The following EXD3 variants were observed in gnomAD, a reference collection of about 807,000 sequenced individuals.
EXD3 encodes exonuclease mut-7 homolog.
Under a neutral mutation model 98.0 loss-of-function variants are expected in EXD3, and 92 were observed. That is an observed-to-expected ratio of 0.94 (90% CI 0.79 to 1.12). The LOEUF is 1.12. Among genes scored for constraint, EXD3 ranks in the 50% most tolerant of loss-of-function variants. The pLI, the probability that EXD3 is intolerant of heterozygous loss-of-function variation, is 0.00. For missense variants in EXD3, 1,222 were observed against 1,191.6 expected (o/e 1.03, Z -0.38); for synonymous variants, 569 against 526.0 (o/e 1.08, Z -1.12).
At chr9:137,312,821 G>C (rs764043980) in intron 19 of EXD3, among the ~76,000 whole-genome samples, 9 of 152,100 alleles carry the variant, frequency 5.9e-5, no homozygotes, top group Non-Finnish European at 1.2e-4. Context: ...CCACCACCAA[G>C]GGAGCGACCA....
chr9:137,409,178 C>T (rs1837877535), intron 1 of EXD3, among the ~76,000 whole-genome samples: 1 of 152,240 alleles, frequency 6.6e-6, no homozygotes, highest in East Asian at 1.9e-4. Flanking sequence ...GAACTGGTGG[C>T]TTTATAAGAG....
At chr9:137,309,400 G>A (rs1321435948) in intron 20 of EXD3, among the ~76,000 whole-genome samples, 1 of 152,196 alleles carries the variant, frequency 6.6e-6, no homozygotes, top group Non-Finnish European at 1.5e-5. Flanking sequence ...ACAGAAGGGA[G>A]CAGAGGCCAT....
intron 5 of EXD3, among the ~76,000 whole-genome samples, chr9:137,369,062 G>T: frequency 6.9e-6 from 1 of 144,558 alleles, no homozygotes; most frequent in South Asian, 2.2e-4. Flanking sequence ...CGCAGGACCC[G>T]GGGAGGGGGT....
At chr9:137,326,584 C>T (rs149732971) in intron 17 of EXD3, among the ~76,000 whole-genome samples, 25 of 152,152 alleles carry the variant, frequency 1.6e-4, no homozygotes, top group Admixed American at 2.6e-4. Flanking sequence ...AAGATATACG[C>T]GTGGCCAATA....
intron 3 of EXD3, among the ~76,000 whole-genome samples, chr9:137,379,258 G>A (rs111734116): frequency 6.3e-4 from 64 of 101,104 alleles, no homozygotes; most frequent in South Asian, 1.1e-3. Context: ...GGAATGGGGC[G>A]TCTGTGTGAG....
At chr9:137,331,044 G>A (rs1467688135) in intron 17 of EXD3, among the ~76,000 whole-genome samples, 2 of 152,170 alleles carry the variant, frequency 1.3e-5, no homozygotes, top group Non-Finnish European at 2.9e-5. Flanking sequence ...GCACATTAAA[G>A]CAATAATTCA....
In EXD3 at chr9:137,351,461, G is replaced by A. The variant is rs756335375; in HGVS notation, c.1241C>T (p.Pro414Leu). 3 of 1,600,726 alleles carry A rather than the reference G, an allele frequency of 1.9e-6. No homozygotes were observed. Among genetic ancestry groups the A allele is most frequent in the South Asian group, 2.2e-5 (2 of 89,108 alleles). Residue 414 changes from proline (P) to leucine (L), a missense_variant, in exon 13 of 22, where the codon CCG becomes CTG. Coordinates refer to ENST00000340951, the MANE Select transcript of EXD3 (RefSeq NM_017820.5). The part of the protein sequence containing the change: ...PVFVAGGRPR[P>L]SLLQVAVEGH... ...CTCCACGGCCACCTGCAGGAGTGAC[G>A]GCCGAGGCCGGCCCCCAGCAACAAA...
intron 19 of EXD3, among the ~76,000 whole-genome samples, chr9:137,320,469 C>G (rs1362192932): frequency 2.0e-5 from 3 of 152,204 alleles, no homozygotes; most frequent in Non-Finnish European, 4.4e-5. Flanking sequence ...CCTGCTCTAC[C>G]TGCAGCCCCC....
intron 19 of EXD3, among the ~76,000 whole-genome samples, chr9:137,320,832 A>C (rs1831991732): frequency 6.6e-6 from 1 of 152,188 alleles, no homozygotes; most frequent in East Asian, 1.9e-4. Flanking sequence ...AAGAAAATGC[A>C]GCAGCCGATT....
chr9:137,322,663 G>A (rs558847910), intron 19 of EXD3, among the ~76,000 whole-genome samples: 19 of 120,378 alleles, frequency 1.6e-4, no homozygotes, highest in Middle Eastern at 0.013. Flanking sequence ...CCGGACCCCC[G>A]AGGGATTTTC....
At position 137,356,437 on chromosome 9, in the gene EXD3, A is replaced by G. The variant is rs1457555264; in HGVS notation, c.657-69T>C. ...AATACATTTTAAGATTTTCATTTTCATCATAGTCATATGCATGCATAGTTT... is the reference window on the plus strand; with the variant it reads ...AATACATTTTAAGATTTTCATTTTCGTCATAGTCATATGCATGCATAGTTT... On this transcript the variant is annotated intron_variant, in intron 7 of 21. Transcript: ENST00000340951. The G allele has an allele frequency of 2.8e-6, 3 of 1,074,798 alleles. No homozygotes were observed. In the African/African-American group the frequency reaches 4.7e-5, roughly 17 times the overall value. The allele number at this position is 1,074,798 out of a possible 1,614,324, so 66.6% of individuals were successfully genotyped here. A position where few individuals can be genotyped will look rare whatever the true frequency, so the allele number is the denominator to read the frequency against.
At chr9:137,388,686 G>A (rs1037805537) in intron 2 of EXD3, among the ~76,000 whole-genome samples, 2 of 152,160 alleles carry the variant, frequency 1.3e-5, no homozygotes, top group African/African-American at 4.8e-5. Flanking sequence ...GGAAGTCTGT[G>A]ACGTGGTCTT....
rs548759324 is a variant in EXD3 at position 137,359,484 on chromosome 9, G to T, written c.657-3116C>A. Among the ~76,000 whole-genome samples the T allele has an allele frequency of 2.5e-5, 2 of 79,556 alleles. 1 individual carries two copies. The highest frequency in any genetic ancestry group is 6.2e-5 in the Non-Finnish European group (2 of 32,314). The allele number at this position is 79,556 out of a possible 152,430, so 52.2% of individuals were successfully genotyped here. On this transcript the variant is annotated intron_variant, in intron 7 of 21. Coordinates refer to ENST00000340951, the MANE Select transcript of EXD3 (RefSeq NM_017820.5). ...GCCGAGGAGGTTGAGTCTGCAGTGAGCTGTGGTTGTGTCACTGCACTCCAG... is the reference window on the plus strand; with the variant it reads ...GCCGAGGAGGTTGAGTCTGCAGTGATCTGTGGTTGTGTCACTGCACTCCAG...
chr9:137,398,243 G>A (rs907979760), intron 1 of EXD3, among the ~76,000 whole-genome samples: 26 of 152,188 alleles, frequency 1.7e-4, no homozygotes, highest in African/African-American at 1.9e-4. Flanking sequence ...CCTGGTGAAC[G>A]GCCCCGTCTG....
rs539409956 is a variant in EXD3 at position 137,314,674 on chromosome 9, G to A, written c.2185-4974C>T. ...ACCCCAGCCCCTCCCCCACCCAGCC[G>A]CTGCCCCGTCCCCTTTGTGTGGCCA... On this transcript the variant is annotated intron_variant, in intron 19 of 21. Transcript: ENST00000340951. 7.3e-3 allele frequency among the ~76,000 whole-genome samples: 1,087 copies of A among 149,886 alleles called. 11 individuals carry two copies. The highest frequency in any genetic ancestry group is 0.026 in the African/African-American group (1,049 of 41,074).
At chr9:137,411,048 G>A (rs1038554561) in intron 1 of EXD3, among the ~76,000 whole-genome samples, 5 of 152,228 alleles carry the variant, frequency 3.3e-5, no homozygotes, top group Admixed American at 1.3e-4. Flanking sequence ...TGCCCTGTGC[G>A]CTGAGCAGGT....
At chr9:137,318,463 C>T (rs1831833279) in intron 19 of EXD3, among the ~76,000 whole-genome samples, 2 of 152,068 alleles carry the variant, frequency 1.3e-5, no homozygotes, top group Non-Finnish European at 2.9e-5. Flanking sequence ...CTGCAGCCCG[C>T]TCCTCAACCA....
chr9:137,408,407 C>G (rs1837835172), intron 1 of EXD3, among the ~76,000 whole-genome samples: 1 of 151,752 alleles, frequency 6.6e-6, no homozygotes, highest in Admixed American at 6.6e-5. Flanking sequence ...ATTTGCCGGG[C>G]GTGGTGGCGG....
At chr9:137,378,901 TG>T (rs1836054917) in intron 3 of EXD3, among the ~76,000 whole-genome samples, 1 of 138,764 alleles carries the variant, frequency 7.2e-6, no homozygotes, top group African/African-American at 2.8e-5. Context: ...GACCGTTGCC[TG>T]GGGCCGAGGG....
Sources: gnomAD v4.1 joint callset for allele counts (sites outside exome capture counted in the v4.1 genomes callset) on GRCh38, gnomAD v4.1.1 for gene constraint, MANE v1.5 for transcripts, NCBI Gene and HGNC (gene_info 2026-07-23, HGNC 2026-07-21) for gene names.